SLAIN1: variants seen among roughly 807,000 people sequenced by gnomAD.
SLAIN1 encodes the protein SLAIN motif-containing protein 1.
SLAIN1 carries 17 observed loss-of-function variants against 55.4 expected under a neutral mutation model. The ratio of observed to expected loss-of-function variants is 0.31; its 90% CI spans 0.21 to 0.46. The LOEUF (loss-of-function observed/expected upper bound fraction) is 0.46, where lower values mean the gene tolerates loss of function less well. SLAIN1 is among the 20% of genes least tolerant of loss of function. The pLI is 1.00. For missense variants in SLAIN1, 682 were observed against 785.1 expected, an observed-to-expected ratio of 0.87 and a Z score of 1.57; for synonymous variants, 348 against 337.4, an observed-to-expected ratio of 1.03 and a Z score of -0.35.
chr13:77,752,085 T>G (rs190541027), intron 4 of SLAIN1, among the ~76,000 whole-genome samples: 83 of 152,210 alleles, frequency 5.5e-4, no homozygotes, highest in Non-Finnish European at 5.9e-5. Flanking sequence ...GCAAAAAAAT[T>G]GAAGCATTCT....
chr13:77,718,926 A>C (rs1296088043), intron 1 of SLAIN1, among the ~76,000 whole-genome samples: 1 of 152,154 alleles, frequency 6.6e-6, no homozygotes, highest in East Asian at 1.9e-4. Flanking sequence ...TAGGTGCTGA[A>C]AGTGAAGTCT....
At position 77,764,114 on chromosome 13, in the gene SLAIN1, C is replaced by CT. The variant is rs1875275673; in HGVS notation, c.*898dup. 1.3e-5 allele frequency: 2 copies of CT among 152,578 alleles called. No individual in the cohort carries two copies. The highest frequency in any genetic ancestry group is 1.3e-4 in the Admixed American group (2 of 15,276). The allele number at this position is 152,578 out of a possible 1,614,324, so 9.5% of individuals were successfully genotyped here. ...AAGCAAATAAATCTTTTTGATAGACCTTTTACAAAATCCATTTGCACTAAT... is the reference window on the plus strand; with the variant it reads ...AAGCAAATAAATCTTTTTGATAGACCTTTTTACAAAATCCATTTGCACTAAT... On this transcript the variant is annotated 3_prime_UTR_variant, in exon 7 of 7. Coordinates refer to ENST00000418532, the MANE Select transcript of SLAIN1 (RefSeq NM_001242868.2).
At chr13:77,701,165 A>AT (rs2091027049) in intron 1 of SLAIN1, among the ~76,000 whole-genome samples, 4 of 152,234 alleles carry the variant, frequency 2.6e-5, no homozygotes, top group African/African-American at 7.2e-5. Context: ...TTTTTCATGC[A>AT]TTTTTTATTG....
intron 6 of SLAIN1, among the ~76,000 whole-genome samples, chr13:77,762,472 T>C (rs1168623806): frequency 1.3e-5 from 2 of 152,094 alleles, no homozygotes; most frequent in African/African-American, 2.4e-5. Context: ...GAGTGCAGTG[T>C]TATGGTTGTA....
At position 77,737,656 on chromosome 13, in the gene SLAIN1, C is replaced by A. The variant is rs141423924; in HGVS notation, c.767-6627C>A. Among the ~76,000 whole-genome samples, 98 of 152,158 alleles carry A rather than the reference C, an allele frequency of 6.4e-4. No homozygotes were observed. The South Asian group carries it at 9.9e-3, about 15-fold the overall frequency. On this transcript the variant is annotated intron_variant, in intron 2 of 6. Coordinates refer to ENST00000418532, the MANE Select transcript of SLAIN1 (RefSeq NM_001242868.2). Reference sequence around the variant, plus strand: ...ACTTCTATTTAGAATGGTATCATATCCTGTGAGATAAGCTCCTCAACCTTC... The same window carrying A: ...ACTTCTATTTAGAATGGTATCATATACTGTGAGATAAGCTCCTCAACCTTC...
chr13:77,708,646 C>A (rs1271351784), intron 1 of SLAIN1, among the ~76,000 whole-genome samples: 2 of 152,060 alleles, frequency 1.3e-5, no homozygotes. Context: ...TCAGGAAAAC[C>A]CCAGCAGACC....
intron 1 of SLAIN1, among the ~76,000 whole-genome samples, chr13:77,718,851 T>G (rs552900333): frequency 1.7e-4 from 26 of 152,264 alleles, no homozygotes; most frequent in African/African-American, 5.8e-4. Context: ...TGAGAGAAGC[T>G]TTTTTATAAC....
intron 2 of SLAIN1, among the ~76,000 whole-genome samples, chr13:77,735,933 A>T (rs1873096539): frequency 6.6e-6 from 1 of 151,392 alleles, no homozygotes; most frequent in South Asian, 2.1e-4. Flanking sequence ...CCTCTTAATT[A>T]TGGTAAATTC....
chr13:77,717,934 C>T (rs1264232806), intron 1 of SLAIN1, among the ~76,000 whole-genome samples: 1 of 151,912 alleles, frequency 6.6e-6, no homozygotes, highest in Non-Finnish European at 1.5e-5. Context: ...GGAGAAGTAC[C>T]GTGTACTGGG....
chr13:77,698,446 C>A lies in SLAIN1; in HGVS notation c.533C>A (p.Ala178Glu). ...GGGACGCCGCCAGGGGCAGCTGCAGCGCCGCCCTCGCCGCCCCCCACGCTG... is the reference window on the plus strand; with the variant it reads ...GGGACGCCGCCAGGGGCAGCTGCAGAGCCGCCCTCGCCGCCCCCCACGCTG... Reference protein sequence around the residue: ...GAGTPPGAAAAPPSPPPTLLD... With the variant: ...GAGTPPGAAAEPPSPPPTLLD... The change falls in exon 1 of 7, where the codon GCG becomes GAG. Residue 178 changes from alanine to glutamate, a missense_variant. Ala to Glu is a moderately radical substitution (Grantham distance 107, BLOSUM62 -1). Coordinates refer to ENST00000418532, the MANE Select transcript of SLAIN1 (RefSeq NM_001242868.2). The surrounding 1 kb of genome is among the most constrained non-coding windows in gnomAD (Gnocchi z 4.1). The A allele has an allele frequency of 7.0e-7, 1 of 1,436,958 alleles. No individual in the cohort carries two copies. The highest frequency in any genetic ancestry group is 9.1e-7 in the Non-Finnish European group (1 of 1,100,166). The allele number at this position is 1,436,958 out of a possible 1,614,324, so 89.0% of individuals were successfully genotyped here.
At chr13:77,723,895 C>T (rs1439814819) in intron 2 of SLAIN1, among the ~76,000 whole-genome samples, 1 of 149,264 alleles carries the variant, frequency 6.7e-6, no homozygotes, top group Non-Finnish European at 1.5e-5. Flanking sequence ...GCTTTCTATT[C>T]TTGATTTTGT....
At chr13:77,751,220 T>A (rs550544369) in intron 4 of SLAIN1, among the ~76,000 whole-genome samples, 1 of 152,198 alleles carries the variant, frequency 6.6e-6, no homozygotes, top group Non-Finnish European at 1.5e-5. Context: ...AAATATCTTG[T>A]AAGTTGGAGG....
chr13:77,739,320 GT>G (rs1367590059), intron 2 of SLAIN1, among the ~76,000 whole-genome samples: 3 of 152,014 alleles, frequency 2.0e-5, no homozygotes, highest in African/African-American at 7.2e-5. Context: ...TGGTAGAATG[GT>G]TTGAGATAAG....
intron 1 of SLAIN1, among the ~76,000 whole-genome samples, chr13:77,713,277 C>A (rs962230990): frequency 6.6e-6 from 1 of 152,016 alleles, no homozygotes; most frequent in South Asian, 2.1e-4. Flanking sequence ...AATCTATCCA[C>A]CTGACAAAGC....
At chr13:77,762,689 T>C (rs189869300) in intron 6 of SLAIN1, among the ~76,000 whole-genome samples, 66 of 152,294 alleles carry the variant, frequency 4.3e-4, no homozygotes, top group African/African-American at 1.5e-3. Flanking sequence ...TGTGAGCCAC[T>C]GCACTCAGCC....
At chr13:77,728,379 C>T (rs2091327310) in intron 2 of SLAIN1, among the ~76,000 whole-genome samples, 1 of 152,080 alleles carries the variant, frequency 6.6e-6, no homozygotes, top group African/African-American at 2.4e-5. Context: ...AATTTGGGGC[C>T]AGTTAATAAA....
intron 2 of SLAIN1, among the ~76,000 whole-genome samples, chr13:77,729,931 A>G (rs947244670): frequency 2.6e-5 from 4 of 151,912 alleles, no homozygotes; most frequent in Non-Finnish European, 5.9e-5. Context: ...CCGTGTGTCC[A>G]TCTGTTCGTC....
chr13:77,736,760 T>G (rs1873139998), intron 2 of SLAIN1, among the ~76,000 whole-genome samples: 1 of 151,980 alleles, frequency 6.6e-6, no homozygotes, highest in Non-Finnish European at 1.5e-5. Flanking sequence ...TATTAACTAT[T>G]AGCTCCCATG....
chr13:77,739,812 G>T (rs978007192), intron 2 of SLAIN1, among the ~76,000 whole-genome samples: 1 of 151,914 alleles, frequency 6.6e-6, no homozygotes, highest in Non-Finnish European at 1.5e-5. Context: ...AGCATTTATC[G>T]AATCTAGTTT....
Sources: gnomAD v4.1 joint callset for allele counts (sites outside exome capture counted in the v4.1 genomes callset) on GRCh38, gnomAD v4.1.1 for gene constraint, Gnocchi (gnomAD v3.1) non-coding constraint, MANE v1.5 for transcripts, NCBI Gene and HGNC (gene_info 2026-07-23, HGNC 2026-07-21) for gene names.